The following CACNA1A variants were observed in gnomAD, a reference collection of about 807,000 sequenced individuals.
CACNA1A encodes the protein voltage-dependent P/Q-type calcium channel subunit alpha-1A.
In CACNA1A, 57 loss-of-function variants were observed where a neutral mutation model predicts 262.4. The observed-to-expected ratio is 0.22, with a 90% confidence interval of 0.18 to 0.27. The LOEUF is 0.27. Ranked by LOEUF, CACNA1A falls within the 10% of genes least tolerant of loss-of-function variation. CACNA1A has a pLI of 1.00. For missense variants in CACNA1A, 2,526 were observed against 3,562.8 expected, an observed-to-expected ratio of 0.71 and a Z score of 7.41; for synonymous variants, 1,431 against 1,419.3, an observed-to-expected ratio of 1.01 and a Z score of -0.18.
intron 24 of CACNA1A, among the ~76,000 whole-genome samples, chr19:13,264,173 A>G (rs564625864): frequency 6.6e-6 from 1 of 152,114 alleles, no homozygotes; most frequent in Admixed American, 6.5e-5. Flanking sequence ...AGGCCCCCCA[A>G]GAGGAGGGTA....
At chr19:13,265,845 C>CTT (rs769952734) in intron 24 of CACNA1A, among the ~76,000 whole-genome samples, 3 of 137,672 alleles carry the variant, frequency 2.2e-5, no homozygotes, top group East Asian at 2.1e-4. Flanking sequence ...GTTAGATTTA[C>CTT]TTTTTTTTTT....
At chr19:13,445,100 A>G (rs1280343111) in intron 3 of CACNA1A, among the ~76,000 whole-genome samples, 1 of 150,936 alleles carries the variant, frequency 6.6e-6, no homozygotes, top group African/African-American at 2.4e-5. Flanking sequence ...AGATCATGCC[A>G]TTGCACTCTA....
At chr19:13,359,311 T>C (rs1267821539) in intron 6 of CACNA1A, among the ~76,000 whole-genome samples, 1 of 152,206 alleles carries the variant, frequency 6.6e-6, no homozygotes, top group Non-Finnish European at 1.5e-5. Flanking sequence ...TTGGATCACA[T>C]AACCTTTCCG....
chr19:13,361,295 C>T (rs1030662383), intron 5 of CACNA1A, among the ~76,000 whole-genome samples: 2 of 152,122 alleles, frequency 1.3e-5, no homozygotes, highest in African/African-American at 4.8e-5. Flanking sequence ...TGCTGGAAAC[C>T]AAAGACAGCT....
intron 3 of CACNA1A, among the ~76,000 whole-genome samples, chr19:13,435,847 T>A (rs1479400113): frequency 1.3e-5 from 2 of 152,054 alleles, no homozygotes; most frequent in Non-Finnish European, 2.9e-5. Flanking sequence ...TGTTTTAAGA[T>A]GGAGTCTCAC....
At chr19:13,479,961 T>A (rs1038972858) in intron 1 of CACNA1A, among the ~76,000 whole-genome samples, 5 of 152,262 alleles carry the variant, frequency 3.3e-5, no homozygotes, top group African/African-American at 4.8e-5. Context: ...ACGTATTGCC[T>A]GTAGCTGCCT....
intron 6 of CACNA1A, among the ~76,000 whole-genome samples, chr19:13,345,958 T>C (rs2058756894): frequency 1.4e-5 from 2 of 142,706 alleles, no homozygotes; most frequent in Non-Finnish European, 3.0e-5. Flanking sequence ...TGGAGTGCAG[T>C]GGGGTGATCT....
chr19:13,464,066 T>C (rs983570123), intron 1 of CACNA1A, among the ~76,000 whole-genome samples: 6 of 152,188 alleles, frequency 3.9e-5, no homozygotes, highest in African/African-American at 1.4e-4. Context: ...TGTTTTATAT[T>C]GTTTATTTTG....
At chr19:13,386,535 TCCCAG>T (rs1205236109) in intron 3 of CACNA1A, among the ~76,000 whole-genome samples, 1 of 152,116 alleles carries the variant, frequency 6.6e-6, no homozygotes, top group African/African-American at 2.4e-5. Context: ...ACGCCTGTAA[TCCCAG>T]CCCTTTGGGA....
In CACNA1A at chr19:13,454,896, C is replaced by T. The variant is rs1484154587; in HGVS notation, c.399+211G>A. The stretch of plus-strand genomic sequence containing the variant: ...ATGGCTTGAGCCCAGGAGGTGGAGG[C>T]TGCAGTGAGCTATGACTGAACCACT... On this transcript the variant is annotated intron_variant, in intron 2 of 46. Transcript: ENST00000360228. Among the ~76,000 whole-genome samples the T allele has an allele frequency of 5.9e-5, 9 of 152,112 alleles. 1 individual carries two copies. The highest frequency in any genetic ancestry group is 5.9e-4 in the Admixed American group (9 of 15,262).
chr19:13,491,081 A>G (rs1980826592), intron 1 of CACNA1A, among the ~76,000 whole-genome samples: 1 of 152,232 alleles, frequency 6.6e-6, no homozygotes. Flanking sequence ...TCGTCCCGCG[A>G]CATCTCTTGC....
chr19:13,298,388 C>CAT (rs1289159676), intron 19 of CACNA1A, among the ~76,000 whole-genome samples, 156 bp downstream of exon 19: 2 of 152,070 alleles, frequency 1.3e-5, no homozygotes, highest in Admixed American at 1.3e-4. Context: ...CTCGGCCTCC[C>CAT]AAAGTGCTGG....
chr19:13,259,323 TTTTTTTTTTTTTTTTTTTTG>T (rs951026068), intron 27 of CACNA1A: 9 of 117,062 alleles, frequency 7.7e-5, no homozygotes, highest in African/African-American at 1.7e-4. Flanking sequence ...TTTTTTTTTT[TTTTTTTTTTTTTTTTTTTTG>T]GGATTTTTAG....
rs778220824 is a variant in CACNA1A, at chr19:13,298,815, T to C, written c.2818A>G (p.Arg940Gly). ...CGCGGGGACCCGCTGCGGCTCTCCC[T>C]GCTGCCCCCCTGCCGGTGCACGTGC... ...RRHVHRQGGS[R>G]ESRSGSPRTG... The change falls in exon 19 of 47, where the codon AGG (arginine) becomes GGG (glycine). Residue 940 changes from arginine (R) to glycine (G), a missense_variant. By Grantham distance (125) the Arg-to-Gly change is moderately radical (BLOSUM62 -2). Coordinates refer to ENST00000360228, the MANE Select transcript of CACNA1A (RefSeq NM_001127222.2). 1.3e-6 allele frequency: 2 copies of C among 1,569,972 alleles called. No individual in the cohort carries two copies. Among genetic ancestry groups the C allele is most frequent in the Non-Finnish European group, 1.7e-6 (2 of 1,168,652 alleles).
chr19:13,491,712 G>A (rs541049235), intron 1 of CACNA1A, among the ~76,000 whole-genome samples: 71 of 152,230 alleles, frequency 4.7e-4, no homozygotes, highest in African/African-American at 1.4e-3. Context: ...GGTGCACACC[G>A]ATAGTCCCAA....
At chr19:13,426,600 T>C (rs2060407531) in intron 3 of CACNA1A, among the ~76,000 whole-genome samples, 1 of 152,176 alleles carries the variant, frequency 6.6e-6, no homozygotes. Flanking sequence ...ATCAGACAGC[T>C]TGTAGGAAGA....
chr19:13,235,083 G>T, intron 33 of CACNA1A, 47 bp from the exon 34 acceptor site: 1 of 1,551,716 alleles, frequency 6.4e-7, no homozygotes, highest in Non-Finnish European at 8.9e-7. Flanking sequence ...TCCTCCAGTG[G>T]CTTCTGGGAA....
chr19:13,320,268 G>A (rs184246158), intron 10 of CACNA1A, among the ~76,000 whole-genome samples: 5 of 149,870 alleles, frequency 3.3e-5, no homozygotes, highest in Non-Finnish European at 4.5e-5. Context: ...GAGAGAGAGA[G>A]AGAGAGAAAC....
chr19:13,415,743 TAAAAAAAAAAAAAAA>T (rs71170510), intron 3 of CACNA1A, among the ~76,000 whole-genome samples: 22 of 42,514 alleles, frequency 5.2e-4, no homozygotes, highest in Admixed American at 1.4e-3. Flanking sequence ...CTGTCTCAAT[TAAAAAAAAAAAAAAA>T]AAAAAAAAAA....
Sources: allele counts gnomAD v4.1 joint callset (sites outside exome capture counted in the v4.1 genomes callset), GRCh38; gene constraint gnomAD v4.1.1; transcripts MANE v1.5; gene names NCBI Gene and HGNC (gene_info 2026-07-23, HGNC 2026-07-21).